Variants in TEX11 observed in about 807,000 individuals in gnomAD.
TEX11 encodes testis expressed 11.
TEX11 carries 7 observed loss-of-function variants against 84.4 expected under a neutral mutation model. The observed-to-expected ratio is 0.08, with a 90% confidence interval of 0.05 to 0.16. The LOEUF is 0.16. Ranked by LOEUF, TEX11 falls within the 10% of genes least tolerant of loss-of-function variation. The pLI is 1.00. For synonymous variants in TEX11, 264 were observed against 222.8 expected, an observed-to-expected ratio of 1.18 and a Z score of -1.64; for missense variants, 551 against 660.5, an observed-to-expected ratio of 0.83 and a Z score of 1.82.
chrX:70,750,485 G>A (rs150480749), intron 9 of TEX11, among the ~76,000 whole-genome samples: 7,771 of 109,997 alleles, frequency 0.071, 241 homozygotes, highest in East Asian at 0.12. Flanking sequence ...TGTTTATTGC[G>A]GCATTATTCA....
At chrX:70,690,100 G>A (rs752710099) in intron 13 of TEX11, among the ~76,000 whole-genome samples, 1 of 111,058 alleles carries the variant, frequency 9.0e-6, no homozygotes, top group Non-Finnish European at 1.9e-5. Flanking sequence ...TCATCAAAAA[G>A]AAAAATATAT....
intron 7 of TEX11, among the ~76,000 whole-genome samples, chrX:70,852,627 T>C (rs1230046876): frequency 8.9e-6 from 1 of 112,219 alleles, no homozygotes; most frequent in Non-Finnish European, 1.9e-5. Context: ...AAACAGTGTA[T>C]GATCTCAGCA....
At chrX:70,796,343 C>A (rs1490136646) in intron 9 of TEX11, among the ~76,000 whole-genome samples, 2 of 111,328 alleles carry the variant, frequency 1.8e-5, no homozygotes, top group African/African-American at 3.3e-5. Flanking sequence ...CCTACAAGAT[C>A]TAGAATATAG....
chrX:70,891,249 G>C (rs772885529), intron 2 of TEX11, among the ~76,000 whole-genome samples: 19 of 111,782 alleles, frequency 1.7e-4, no homozygotes, highest in Non-Finnish European at 2.8e-4. Flanking sequence ...AAGACCAAAG[G>C]TAGATAAAAC....
At chrX:70,542,172 G>A (rs2088054233) in intron 28 of TEX11, among the ~76,000 whole-genome samples, 1 of 110,959 alleles carries the variant, frequency 9.0e-6, no homozygotes, top group Non-Finnish European at 1.9e-5. Context: ...CTGTTGGGAG[G>A]TGATAAGGTC....
intron 25 of TEX11, among the ~76,000 whole-genome samples, chrX:70,576,496 AC>A (rs1389746713): frequency 2.7e-5 from 3 of 112,604 alleles, no homozygotes; most frequent in Non-Finnish European, 5.6e-5. Flanking sequence ...AAATGCAGAA[AC>A]AAAAAACAAA....
At chrX:70,630,156 C>CA (rs2089493690) in intron 17 of TEX11, among the ~76,000 whole-genome samples, 1 of 109,817 alleles carries the variant, frequency 9.1e-6, no homozygotes, top group Non-Finnish European at 1.9e-5. Context: ...ACTAAAAATA[C>CA]AAAAAATTAG....
At chrX:70,577,735 C>T (rs1482661453) in intron 25 of TEX11, among the ~76,000 whole-genome samples, 3 of 98,173 alleles carry the variant, frequency 3.1e-5, no homozygotes, top group African/African-American at 1.1e-4. Flanking sequence ...ATGATTATAT[C>T]TTTTTTTTTT....
At chrX:70,700,927 G>A (rs765199499) in intron 13 of TEX11, among the ~76,000 whole-genome samples, 28 of 112,144 alleles carry the variant, frequency 2.5e-4, no homozygotes, top group Non-Finnish European at 4.9e-4. Flanking sequence ...TTGAGCCAAA[G>A]CCTAATCCAG....
chrX:70,782,272 A>G (rs1410490307), intron 9 of TEX11, among the ~76,000 whole-genome samples: 1 of 111,553 alleles, frequency 9.0e-6, no homozygotes, highest in African/African-American at 3.3e-5. Flanking sequence ...AAATGCTAAG[A>G]CATTTTGTCA....
At chrX:70,647,402 C>CA (rs917509093) in intron 17 of TEX11, among the ~76,000 whole-genome samples, 7 of 110,416 alleles carry the variant, frequency 6.3e-5, no homozygotes, top group Admixed American at 9.7e-5. Context: ...GTTCTCACCA[C>CA]AAAAAAAATG....
rs150813306 is a variant in TEX11, at chrX:70,776,051, G to GA, written c.692+30653dup. Among the ~76,000 whole-genome samples, 537 of 62,569 alleles carry GA rather than the reference G, an allele frequency of 8.6e-3. 8 individuals are homozygous for GA. The highest frequency in any genetic ancestry group is 0.03 in the East Asian group (41 of 1,365). 54.3% of individuals were successfully genotyped at this position (62,569 alleles called of 115,157 possible). On this transcript the variant is annotated intron_variant, in intron 9 of 29. Transcript: ENST00000374333. The stretch of plus-strand genomic sequence containing the variant: ...TGGAGAAGAGCGTGGAGATTTCTCA[G>GA]AAAAAAAAAAAACAAACTTATAATA...
the TEX11 span, among the ~76,000 whole-genome samples, chrX:70,515,065 T>TCACACA: frequency 0.14 from 12,210 of 87,421 alleles, 814 homozygotes; most frequent in Non-Finnish European, 0.18. Flanking sequence ...TGAAACTCGG[T>TCACACA]CACACACACA....
At chrX:70,675,991 A>T (rs2090068764) in intron 15 of TEX11, among the ~76,000 whole-genome samples, 1 of 111,783 alleles carries the variant, frequency 8.9e-6, no homozygotes, top group Admixed American at 9.4e-5. Context: ...GTGGAACCAC[A>T]CAGTATTGTT....
At chrX:70,753,400 G>A (rs2090844174) in intron 9 of TEX11, among the ~76,000 whole-genome samples, 2 of 111,305 alleles carry the variant, frequency 1.8e-5, no homozygotes, top group South Asian at 7.6e-4. Flanking sequence ...TTGGATACCA[G>A]CTCAGCTACA....
intron 7 of TEX11, among the ~76,000 whole-genome samples, chrX:70,845,169 A>G (rs1460015847): frequency 9.0e-6 from 1 of 110,741 alleles, no homozygotes; most frequent in Non-Finnish European, 1.9e-5. Context: ...ATTTTATTTT[A>G]TCTTTTACTT....
intron 25 of TEX11, among the ~76,000 whole-genome samples, 177 bp from the exon 26 acceptor site, chrX:70,554,977 A>T (rs1006307017): frequency 8.9e-6 from 1 of 111,767 alleles, no homozygotes; most frequent in Non-Finnish European, 1.9e-5. Context: ...TTTTTATTTG[A>T]TTCTAACATT....
intron 28 of TEX11, among the ~76,000 whole-genome samples, chrX:70,544,611 G>A (rs768802575): frequency 1.8e-4 from 19 of 108,560 alleles, no homozygotes; most frequent in East Asian, 1.5e-3. Flanking sequence ...AGGTCGAGGC[G>A]GATGGATCAC....
At chrX:70,734,906 T>G (rs772372676) in intron 11 of TEX11, among the ~76,000 whole-genome samples, 1 of 111,922 alleles carries the variant, frequency 8.9e-6, no homozygotes, top group African/African-American at 3.2e-5. Context: ...TACTGAAAGC[T>G]CTCTAAGATT....
Sources: gnomAD v4.1 joint callset for allele counts (sites outside exome capture counted in the v4.1 genomes callset) on GRCh38, gnomAD v4.1.1 for gene constraint, MANE v1.5 for transcripts, NCBI Gene and HGNC (gene_info 2026-07-23, HGNC 2026-07-21) for gene names.